Variants in PRKD1 observed in about 807,000 individuals in gnomAD.
PRKD1 encodes the protein protein kinase D1, also known as serine/threonine-protein kinase D1.
A neutral mutation model predicts 95.9 loss-of-function variants in PRKD1; 63 were observed. That is an observed-to-expected ratio of 0.66 (90% CI 0.54 to 0.81). PRKD1 has a LOEUF of 0.81. Among genes scored for constraint, PRKD1 ranks in the 30% least tolerant of loss-of-function variants. PRKD1 has a pLI of 0.00. For synonymous variants in PRKD1, 425 were observed against 423.1 expected (o/e 1.00, Z -0.05); for missense variants, 1,048 against 1,165.3 (o/e 0.90, Z 1.47).
chr14:29,862,582 T>C (rs1031351820), intron 1 of PRKD1, among the ~76,000 whole-genome samples: 2 of 152,220 alleles, frequency 1.3e-5, no homozygotes, highest in Non-Finnish European at 2.9e-5. Context: ...CTAGGTGAGA[T>C]GATATCTCAC....
chr14:29,602,019 T>G (rs1331872284), intron 13 of PRKD1, among the ~76,000 whole-genome samples: 1 of 152,228 alleles, frequency 6.6e-6, no homozygotes, highest in Non-Finnish European at 1.5e-5. Context: ...TTGAGCATCT[T>G]CATTGATTCT....
At chr14:29,905,588 C>T (rs1391098776) in intron 1 of PRKD1, among the ~76,000 whole-genome samples, 3 of 152,094 alleles carry the variant, frequency 2.0e-5, no homozygotes, top group Non-Finnish European at 2.9e-5. Flanking sequence ...AACTGACCAG[C>T]CTTGTAATAA....
At chr14:29,717,667 T>A (rs1262236273) in intron 2 of PRKD1, among the ~76,000 whole-genome samples, 2 of 152,072 alleles carry the variant, frequency 1.3e-5, no homozygotes, top group Non-Finnish European at 1.5e-5. Flanking sequence ...TTAACATCAC[T>A]ATTGTTATTA....
intron 13 of PRKD1, among the ~76,000 whole-genome samples, chr14:29,611,121 T>TA (rs1878429176): frequency 6.6e-6 from 1 of 152,118 alleles, no homozygotes; most frequent in Non-Finnish European, 1.5e-5. Context: ...ACATCAAGAG[T>TA]AAACCATGAT....
chr14:29,585,062 T>C (rs535229504), intron 16 of PRKD1, among the ~76,000 whole-genome samples: 60 of 151,410 alleles, frequency 4.0e-4, no homozygotes, highest in African/African-American at 1.4e-3. Flanking sequence ...TGTTTTCTCT[T>C]TTTTTTTTCC....
At position 29,880,469 on chromosome 14, in the gene PRKD1, T is replaced by G. The variant is rs966438751; in HGVS notation, c.264+46780A>C. Among the ~76,000 whole-genome samples the G allele has an allele frequency of 2.0e-5, 3 of 152,142 alleles. No homozygotes were observed. The East Asian group carries it at 5.8e-4, about 29-fold the overall frequency. On this transcript the variant is annotated intron_variant, in intron 1 of 17. Transcript: ENST00000331968. ...ATGCCTGGATTCCCAGGCAAAAGTT[T>G]GCTGCATGAGCAAACTTGGAGGGCC...
intron 1 of PRKD1, among the ~76,000 whole-genome samples, chr14:29,906,068 A>C: frequency 6.6e-6 from 1 of 152,182 alleles, no homozygotes; most frequent in East Asian, 1.9e-4. Flanking sequence ...CAATGAGAAA[A>C]TTTTTAAAGT....
chr14:29,612,322 C>T (rs1355665238), intron 13 of PRKD1, among the ~76,000 whole-genome samples: 1 of 152,164 alleles, frequency 6.6e-6, no homozygotes, highest in Non-Finnish European at 1.5e-5. Context: ...GACCTGGATA[C>T]AGTACATACA....
At chr14:29,846,267 A>G (rs1265086256) in intron 1 of PRKD1, among the ~76,000 whole-genome samples, 1 of 152,176 alleles carries the variant, frequency 6.6e-6, no homozygotes, top group Non-Finnish European at 1.5e-5. Flanking sequence ...TATAAATACA[A>G]TTTCAGGTGG....
intron 1 of PRKD1, among the ~76,000 whole-genome samples, chr14:29,913,081 G>T (rs1294137598): frequency 6.6e-6 from 1 of 152,202 alleles, no homozygotes; most frequent in Non-Finnish European, 1.5e-5. Context: ...ATTAGCTTAC[G>T]AAATGAATTC....
intron 1 of PRKD1, among the ~76,000 whole-genome samples, chr14:29,913,240 A>G (rs1014402779): frequency 9.9e-5 from 15 of 152,202 alleles, no homozygotes; most frequent in Non-Finnish European, 1.9e-4. Context: ...AATATACATG[A>G]TTTGATGACT....
intron 1 of PRKD1, among the ~76,000 whole-genome samples, chr14:29,841,936 T>C (rs945181126): frequency 1.3e-5 from 2 of 152,036 alleles, no homozygotes; most frequent in African/African-American, 4.8e-5. Flanking sequence ...TTTTTTTCTA[T>C]TTTAAATTAT....
In PRKD1 at chr14:29,823,628, C is replaced by T. The variant is rs45453399; in HGVS notation, c.265-97954G>A. On this transcript the variant is annotated intron_variant, in intron 1 of 17. Coordinates refer to ENST00000331968, the MANE Select transcript of PRKD1 (RefSeq NM_002742.3). ...TGGAGCACTGTCCTCATTATACAAC[C>T]GACCACTGACATAAAAGGCAAGAAG... is the stretch of plus-strand genomic sequence containing the variant. Among the ~76,000 whole-genome samples the T allele has an allele frequency of 2.1e-3, 322 of 152,126 alleles. 5 individuals carry two copies. The East Asian group carries it at 0.041, about 19-fold the overall frequency.
intron 1 of PRKD1, among the ~76,000 whole-genome samples, chr14:29,910,754 C>T (rs1214014231): frequency 6.6e-6 from 1 of 152,070 alleles, no homozygotes; most frequent in African/African-American, 2.4e-5. Flanking sequence ...TACACGATTC[C>T]CCCTTTCTTG....
intron 1 of PRKD1, among the ~76,000 whole-genome samples, chr14:29,797,601 A>G (rs1048560441): frequency 6.6e-6 from 1 of 152,144 alleles, no homozygotes; most frequent in Non-Finnish European, 1.5e-5. Flanking sequence ...ATAACAGGTA[A>G]TTAATTCAAA....
intron 1 of PRKD1, among the ~76,000 whole-genome samples, chr14:29,921,117 T>C (rs1895088122): frequency 6.6e-6 from 1 of 152,242 alleles, no homozygotes; most frequent in Non-Finnish European, 1.5e-5. Flanking sequence ...ACATTGCACT[T>C]GTAATTGAAA....
At chr14:29,927,217 G>GGC in intron 1 of PRKD1, 32 bp downstream of exon 1, 1 of 1,464,510 alleles carries the variant, frequency 6.8e-7, no homozygotes, top group Non-Finnish European at 9.0e-7. Flanking sequence ...GCCGCGGGGA[G>GGC]GCGCCGGGCT....
At chr14:29,803,431 T>G (rs751779123) in intron 1 of PRKD1, among the ~76,000 whole-genome samples, 7 of 152,242 alleles carry the variant, frequency 4.6e-5, no homozygotes, top group Admixed American at 6.5e-5. Context: ...TTTAATTTTT[T>G]TGTCTAGTTA....
At chr14:29,819,778 G>T (rs1890837964) in intron 1 of PRKD1, among the ~76,000 whole-genome samples, 1 of 152,190 alleles carries the variant, frequency 6.6e-6, no homozygotes, top group Non-Finnish European at 1.5e-5. Flanking sequence ...CTAGGTAAAA[G>T]CTAGAGGAAT....
Sources: gnomAD v4.1 joint callset for allele counts (sites outside exome capture counted in the v4.1 genomes callset) on GRCh38, gnomAD v4.1.1 for gene constraint, MANE v1.5 for transcripts, NCBI Gene and HGNC (gene_info 2026-07-23, HGNC 2026-07-21) for gene names.